Variants in EEF2KMT observed in about 807,000 individuals in gnomAD.
EEF2KMT encodes the protein protein-lysine N-methyltransferase EEF2KMT.
Under a neutral mutation model 35.1 loss-of-function variants are expected in EEF2KMT, and 30 were observed. The ratio of observed to expected loss-of-function variants is 0.85; its 90% confidence interval spans 0.64 to 1.16. EEF2KMT has a LOEUF of 1.16. EEF2KMT is among the 50% of genes most tolerant of loss of function. The pLI, the probability that EEF2KMT is intolerant of heterozygous loss-of-function variation, is 0.00. For missense variants in EEF2KMT, 499 were observed against 438.2 expected (o/e 1.14, Z -1.24); for synonymous variants, 190 against 187.7 (o/e 1.01, Z -0.10).
intron 2 of EEF2KMT, 111 bp downstream of exon 2, chr16:5,095,341 T>C (rs2142783833): frequency 3.9e-6 from 6 of 1,554,872 alleles, no homozygotes; most frequent in South Asian, 2.3e-5. Context: ...TTTTGTTTTT[T>C]GAACAGGGGT....
rs144812166 is a variant in EEF2KMT, at chr16:5,090,136, G to A, written c.690C>T (p.Val230=). Residue 230 remains valine (V), a synonymous_variant, in exon 6 of 8, where the codon GTC becomes GTT. Coordinates refer to ENST00000427587, the MANE Select transcript of EEF2KMT (RefSeq NM_201400.4). The surrounding 1 kb of genome is among the most constrained non-coding windows in gnomAD (Gnocchi z 4.1). ...RVTVAQLDWD[V]ATVHQLSAFQ... is the part of the protein sequence containing the mutation. ...AGGCAGAGAGCTGATGGACCGTCGC[G>A]ACGTCCCAGTCCAGCTGGGCCACTG... 3.2e-4 allele frequency: 515 copies of A among 1,610,360 alleles called. No individual in the cohort carries two copies. The highest frequency in any genetic ancestry group is 4.0e-4 in the Non-Finnish European group (468 of 1,179,846).
chr16:5,097,745 G>A lies in EEF2KMT; in HGVS notation c.-6C>T, dbSNP rs1035871705. Reference sequence around the variant, plus strand: ...GCGTTCTCCTCGGGCGCCATGACGTGGGCGGGGCCGCAGCGTTGCCGGCAG... The same window carrying A: ...GCGTTCTCCTCGGGCGCCATGACGTAGGCGGGGCCGCAGCGTTGCCGGCAG... On this transcript the variant is annotated 5_prime_UTR_variant, in exon 1 of 8. Transcript: ENST00000427587. 5.8e-6 allele frequency: 9 copies of A among 1,554,336 alleles called. No individual in the cohort carries two copies. The African/African-American group carries it at 8.2e-5, about 14-fold the overall frequency.
At position 5,090,039 on chromosome 16, in the gene EEF2KMT, C is replaced by T; in HGVS notation, c.742+45G>A. 6.3e-7 allele frequency: 1 copy of T among 1,598,210 alleles called. No homozygotes were observed. Among genetic ancestry groups the T allele is most frequent in the Non-Finnish European group, 8.5e-7 (1 of 1,179,558 alleles). The stretch of plus-strand genomic sequence containing the variant: ...TCCCAGAGCCAAGAGCTGGGTAGAG[C>T]TGCAAGGACACCACCTGCACAGGGT... On this transcript the variant is annotated intron_variant, in intron 6 of 7. Coordinates refer to ENST00000427587, the MANE Select transcript of EEF2KMT (RefSeq NM_201400.4). The surrounding 1 kb of genome is among the most constrained non-coding windows in gnomAD (Gnocchi z 4.1).
intron 3 of EEF2KMT, 158 bp from the exon 4 acceptor site, chr16:5,092,053 G>A: frequency 1.5e-6 from 2 of 1,377,596 alleles, no homozygotes; most frequent in Admixed American, 4.6e-5. Context: ...TTGGTGGTGT[G>A]TGCCGAATAG....
In EEF2KMT at chr16:5,084,366, T is replaced by C. The variant is rs1957074516; in HGVS notation, c.*1266A>G. The stretch of plus-strand genomic sequence containing the variant: ...TGGGCTGGATTTGGCCTGCAGGCTG[T>C]AGTTTGTGATCCTTGATTCAGACAG... On this transcript the variant is annotated 3_prime_UTR_variant, in exon 8 of 8. Coordinates refer to ENST00000427587, the MANE Select transcript of EEF2KMT (RefSeq NM_201400.4). 4.9e-6 allele frequency: 2 copies of C among 405,662 alleles called. No individual in the cohort carries two copies. Among genetic ancestry groups the C allele is most frequent in the Non-Finnish European group, 9.3e-6 (2 of 215,160 alleles). 25.1% of individuals were successfully genotyped at this position (405,662 alleles called of 1,614,324 possible).
chr16:5,093,563 G>A lies in EEF2KMT; in HGVS notation c.161C>T (p.Thr54Ile). 2 of 1,612,028 alleles carry A rather than the reference G, an allele frequency of 1.2e-6. No homozygotes were observed. Among genetic ancestry groups the A allele is most frequent in the South Asian group, 1.1e-5 (1 of 90,994 alleles). Residue 54 changes from threonine to isoleucine, a missense_variant and splice_region_variant, in exon 3 of 8, where the codon ACT becomes ATT. Thr to Ile is a moderately conservative substitution (Grantham distance 89). Transcript: ENST00000427587. ...SELLRDILHK[T>I]VKHPVCVKHP... ...CTTCACACACACAGGATGCTTCACA[G>A]TCTACGGCAAAGGACAGAACGTTGG...
At chr16:5,092,745 C>T (rs1397928662) in intron 3 of EEF2KMT, among the ~76,000 whole-genome samples, 1 of 152,090 alleles carries the variant, frequency 6.6e-6, no homozygotes, top group Non-Finnish European at 1.5e-5. Flanking sequence ...GGCGGATCAC[C>T]TGAGGTCAGG....
intron 3 of EEF2KMT, among the ~76,000 whole-genome samples, chr16:5,092,225 G>A (rs1405775620): frequency 6.6e-6 from 1 of 152,178 alleles, no homozygotes; most frequent in Non-Finnish European, 1.5e-5. Context: ...GTAGGGTTAG[G>A]TGTAGTCTAG....
intron 4 of EEF2KMT, 124 bp downstream of exon 4, chr16:5,091,670 C>G (rs533894587): frequency 6.8e-7 from 1 of 1,475,202 alleles, no homozygotes; most frequent in Non-Finnish European, 9.1e-7. Context: ...AGAAGGTTGA[C>G]GGACCTCATG....
intron 3 of EEF2KMT, among the ~76,000 whole-genome samples, chr16:5,092,399 C>T (rs867667098): frequency 1.3e-5 from 2 of 152,338 alleles, no homozygotes; most frequent in South Asian, 2.1e-4. Context: ...CAGGCCGCTT[C>T]TCCACAGCTG....
intron 7 of EEF2KMT, 144 bp downstream of exon 7, chr16:5,088,963 A>G (rs1024888560): frequency 3.2e-6 from 5 of 1,557,170 alleles, no homozygotes; most frequent in Non-Finnish European, 4.4e-6. Context: ...CACCCTGCTC[A>G]CTGGCCTCTG....
intron 7 of EEF2KMT, chr16:5,086,675 T>C (rs1389511721): frequency 3.3e-5 from 5 of 151,888 alleles, no homozygotes; most frequent in African/African-American, 7.3e-5. Context: ...TCAGCCTCTT[T>C]TATTATTTGT....
intron 7 of EEF2KMT, among the ~76,000 whole-genome samples, chr16:5,088,610 G>A (rs1957267831): frequency 6.6e-6 from 1 of 152,130 alleles, no homozygotes; most frequent in Non-Finnish European, 1.5e-5. Flanking sequence ...CAGTTGCTGG[G>A]GGCTGACAAA....
At position 5,091,990 on chromosome 16, in the gene EEF2KMT, T is replaced by C. The variant is rs998397062; in HGVS notation, c.241-95A>G. On this transcript the variant is annotated intron_variant, in intron 3 of 7. Coordinates refer to ENST00000427587, the MANE Select transcript of EEF2KMT (RefSeq NM_201400.4). ...CCAAGTTTGGAGGGGAGATTTGCGA[T>C]GGAATGGTATAATACCGGCCAGCTG... 5 of 1,572,608 alleles carry C rather than the reference T, an allele frequency of 3.2e-6. No homozygotes were observed. The South Asian group carries it at 3.4e-5, about 11-fold the overall frequency.
At chr16:5,096,747 C>T (rs1957476410) in intron 1 of EEF2KMT, among the ~76,000 whole-genome samples, 1 of 152,158 alleles carries the variant, frequency 6.6e-6, no homozygotes, top group African/African-American at 2.4e-5. Context: ...ATAATAGTAC[C>T]CACCTCGTGG....
At chr16:5,093,158 A>T (rs1035806519) in intron 3 of EEF2KMT, among the ~76,000 whole-genome samples, 4 of 152,224 alleles carry the variant, frequency 2.6e-5, no homozygotes, top group African/African-American at 9.6e-5. Flanking sequence ...TTCAGCGGGC[A>T]GGACAGAGGG....
At chr16:5,092,163 A>T (rs1260973525) in intron 3 of EEF2KMT, among the ~76,000 whole-genome samples, 1 of 151,840 alleles carries the variant, frequency 6.6e-6, no homozygotes, top group African/African-American at 2.4e-5. Context: ...AAAAAAATTC[A>T]CTTGGTAGGG....
rs1315388189 is a variant in EEF2KMT at position 5,090,125 on chromosome 16, T to G, written c.701A>C (p.His234Pro). The G allele has an allele frequency of 3.1e-6, 5 of 1,609,062 alleles. No homozygotes were observed. The highest frequency in any genetic ancestry group is 3.3e-5 in the Admixed American group (2 of 60,000). Residue 234 changes from histidine (H) to proline (P), a missense_variant, in exon 6 of 8, where the codon CAT (histidine) becomes CCT (proline). Physicochemically the swap from His to Pro is moderately conservative, Grantham distance 77. Coordinates refer to ENST00000427587, the MANE Select transcript of EEF2KMT (RefSeq NM_201400.4). The surrounding 1 kb of genome is among the most constrained non-coding windows in gnomAD (Gnocchi z 4.1). ...AQLDWDVATVHQLSAFQPDVV... is the reference protein window; with the variant it reads ...AQLDWDVATVPQLSAFQPDVV... The stretch of plus-strand genomic sequence containing the variant: ...ATCTGGCTGGAAGGCAGAGAGCTGA[T>G]GGACCGTCGCGACGTCCCAGTCCAG...
rs1283355712 is a variant in EEF2KMT at position 5,089,419 on chromosome 16, A to G, written c.743-163T>C. ...ATGGAAAGGCAATTACTTGGGTGAAAAAGGAGAACCCTTAGTAGAGAAAGC... is the reference window on the plus strand; with the variant it reads ...ATGGAAAGGCAATTACTTGGGTGAAGAAGGAGAACCCTTAGTAGAGAAAGC... On this transcript the variant is annotated intron_variant, in intron 6 of 7. Coordinates refer to ENST00000427587, the MANE Select transcript of EEF2KMT (RefSeq NM_201400.4). 8 of 957,848 alleles carry G rather than the reference A, an allele frequency of 8.4e-6. 1 individual carries two copies. In the East Asian group the frequency reaches 1.3e-4, roughly 16 times the overall value. The allele number at this position is 957,848 out of a possible 1,614,324, so 59.3% of individuals were successfully genotyped here.
Sources: allele counts gnomAD v4.1 joint callset (sites outside exome capture counted in the v4.1 genomes callset), GRCh38; gene constraint gnomAD v4.1.1; non-coding constraint Gnocchi (gnomAD v3.1); transcripts MANE v1.5; gene names NCBI Gene and HGNC (gene_info 2026-07-23, HGNC 2026-07-21).